The following PRKAR1B variants were observed in gnomAD, a reference collection of about 807,000 sequenced individuals.
PRKAR1B encodes the protein cAMP-dependent protein kinase type I-beta regulatory subunit.
Under a neutral mutation model 46.5 loss-of-function variants are expected in PRKAR1B, and 22 were observed. That is an observed-to-expected ratio of 0.47 (90% CI 0.34 to 0.68). The LOEUF is 0.68. PRKAR1B is among the 30% of genes least tolerant of loss of function. The pLI, the probability that PRKAR1B is intolerant of heterozygous loss-of-function variation, is 0.01. For missense variants in PRKAR1B, 445 were observed against 535.6 expected (o/e 0.83, Z 1.67); for synonymous variants, 259 against 217.7 (o/e 1.19, Z -1.67).
intron 4 of PRKAR1B, among the ~76,000 whole-genome samples, chr7:649,120 T>C (rs1338616943): frequency 2.0e-5 from 3 of 150,548 alleles, no homozygotes; most frequent in South Asian, 2.1e-4. Context: ...GCTGAGATCG[T>C]GCCACTGCAC....
chr7:686,097 G>A (rs1779080894), intron 2 of PRKAR1B, among the ~76,000 whole-genome samples: 1 of 152,042 alleles, frequency 6.6e-6, no homozygotes, highest in Non-Finnish European at 1.5e-5. Context: ...TCAGGAGATT[G>A]AGACCATCCT....
At chr7:694,542 G>A (rs370211028) in intron 2 of PRKAR1B, among the ~76,000 whole-genome samples, 3 of 152,132 alleles carry the variant, frequency 2.0e-5, no homozygotes, top group African/African-American at 4.8e-5. Flanking sequence ...TGTGCCTGGC[G>A]AACTCCTACA....
intron 4 of PRKAR1B, among the ~76,000 whole-genome samples, chr7:629,349 C>A (rs1250240430): frequency 6.8e-6 from 1 of 146,334 alleles, no homozygotes; most frequent in Non-Finnish European, 1.5e-5. Flanking sequence ...GAAGGCACCA[C>A]CACCCCAAGG....
intron 2 of PRKAR1B, among the ~76,000 whole-genome samples, chr7:694,804 G>C (rs1451546349): frequency 1.3e-5 from 2 of 152,186 alleles, no homozygotes; most frequent in Non-Finnish European, 2.9e-5. Context: ...GGGAGGCCAA[G>C]GTGGGTGGAT....
intron 2 of PRKAR1B, among the ~76,000 whole-genome samples, chr7:699,119 G>A (rs1779926174): frequency 6.6e-6 from 1 of 152,236 alleles, no homozygotes; most frequent in African/African-American, 2.4e-5. Flanking sequence ...CACGCCAGGG[G>A]CCAGAGCCCA....
rs556531443 is a variant in PRKAR1B, at chr7:693,021, G to A, written c.178-12295C>T. 4.6e-5 allele frequency among the ~76,000 whole-genome samples: 7 copies of A among 151,758 alleles called. 1 individual carries two copies. The highest frequency in any genetic ancestry group is 1.7e-4 in the African/African-American group (7 of 41,358). ...GCGATCTCGGCTCACTGCAAGCTCC[G>A]CCTCCCGGTTTCACACCTTTCTCCT... On this transcript the variant is annotated intron_variant, in intron 2 of 10. Transcript: ENST00000537384.
intron 9 of PRKAR1B, among the ~76,000 whole-genome samples, chr7:553,246 G>A (rs1241444217): frequency 6.6e-6 from 1 of 152,218 alleles, no homozygotes; most frequent in East Asian, 1.9e-4. Context: ...AACAGCCGGG[G>A]AAACGGTCTG....
intron 4 of PRKAR1B, among the ~76,000 whole-genome samples, chr7:616,636 G>C (rs1297336788): frequency 6.6e-6 from 1 of 152,218 alleles, no homozygotes; most frequent in Admixed American, 6.5e-5. Context: ...CCAGTGCCAC[G>C]CACCGCTTTG....
rs2081008637 is a variant in PRKAR1B, at chr7:593,073, C to A, written c.708+3073G>T. On this transcript the variant is annotated intron_variant, in intron 7 of 10. Transcript: ENST00000537384. The surrounding 1 kb of genome is among the most constrained non-coding windows in gnomAD (Gnocchi z 6.1). Reference sequence around the variant, plus strand: ...AAACAAAAAGGTAAGAAAGAAAAAGCAAGTCTGGGGAGTGCTGGCCCCGGG... The same window carrying A: ...AAACAAAAAGGTAAGAAAGAAAAAGAAAGTCTGGGGAGTGCTGGCCCCGGG... 6.6e-6 allele frequency among the ~76,000 whole-genome samples: 1 copy of A among 152,134 alleles called. No individual in the cohort carries two copies. Among genetic ancestry groups the A allele is most frequent in the Non-Finnish European group, 1.5e-5 (1 of 68,008 alleles).
At chr7:672,555 C>A (rs1310216351) in intron 4 of PRKAR1B, among the ~76,000 whole-genome samples, 1 of 152,050 alleles carries the variant, frequency 6.6e-6, no homozygotes, top group Non-Finnish European at 1.5e-5. Context: ...GTTGGATGGT[C>A]TTCATTACTG....
At chr7:562,601 G>A (rs867111344) in intron 9 of PRKAR1B, among the ~76,000 whole-genome samples, 1 of 152,080 alleles carries the variant, frequency 6.6e-6, no homozygotes, top group African/African-American at 2.4e-5. Context: ...CCGGCCTCCA[G>A]GGCCTCTCAC....
intron 9 of PRKAR1B, among the ~76,000 whole-genome samples, chr7:574,094 C>T (rs1335785416): frequency 6.6e-6 from 1 of 152,242 alleles, no homozygotes; most frequent in South Asian, 2.1e-4. Context: ...GACGCACCCA[C>T]GATCCACGCC....
At chr7:607,732 A>G (rs2128465446) in intron 4 of PRKAR1B, 1 of 342,468 alleles carries the variant, frequency 2.9e-6, no homozygotes, top group Non-Finnish European at 5.4e-6. Flanking sequence ...CATGCCATAC[A>G]TGCATTTTGA....
chr7:574,746 C>A (rs773782309), intron 9 of PRKAR1B, among the ~76,000 whole-genome samples: 1 of 152,146 alleles, frequency 6.6e-6, no homozygotes, highest in Non-Finnish European at 1.5e-5. Context: ...GCCTGGCCAG[C>A]GACCCAGATT....
intron 4 of PRKAR1B, among the ~76,000 whole-genome samples, chr7:673,080 A>C (rs35992118): frequency 1.1e-4 from 15 of 137,490 alleles, no homozygotes; most frequent in Non-Finnish European, 1.7e-4. Flanking sequence ...AAAAAAAAAC[A>C]CACACACACA....
rs186561500 is a variant in PRKAR1B, at chr7:673,374, G to A, written c.440+3855C>T. Among the ~76,000 whole-genome samples, 6 of 152,204 alleles carry A rather than the reference G, an allele frequency of 3.9e-5. 1 individual carries two copies. Among genetic ancestry groups the A allele is most frequent in the Admixed American group, 3.9e-4 (6 of 15,288 alleles). ...TTAAAATAGTCTTCAGCTCAGCCGG[G>A]CGCGGTGGCTCACGCCTGTAATCCC... On this transcript the variant is annotated intron_variant, in intron 4 of 10. Transcript: ENST00000537384.
intron 9 of PRKAR1B, among the ~76,000 whole-genome samples, chr7:555,894 C>A (rs1055543221): frequency 1.3e-5 from 2 of 152,166 alleles, no homozygotes; most frequent in African/African-American, 4.8e-5. Flanking sequence ...GGGAGGCAGA[C>A]CCAGGCAGCG....
rs180975544 is a variant in PRKAR1B at position 679,888 on chromosome 7, G to T, written c.348+668C>A. Among the ~76,000 whole-genome samples the T allele has an allele frequency of 2.1e-3, 317 of 152,282 alleles. 5 individuals carry two copies. Among genetic ancestry groups the T allele is most frequent in the East Asian group, 0.013 (68 of 5,182 alleles). ...GAAGAGACCAGAGATGCTGGGCATG[G>T]TGGCTCACGCCCGTAACCCCAGCAC... On this transcript the variant is annotated intron_variant, in intron 3 of 10. Coordinates refer to ENST00000537384, the MANE Select transcript of PRKAR1B (RefSeq NM_001164760.2).
intron 2 of PRKAR1B, among the ~76,000 whole-genome samples, chr7:693,996 T>C (rs114768476): frequency 0.033 from 5,099 of 152,236 alleles, 318 homozygotes; most frequent in African/African-American, 0.12. Flanking sequence ...CCGCGAGACC[T>C]GGACTCGGCC....
Sources: allele counts gnomAD v4.1 joint callset (sites outside exome capture counted in the v4.1 genomes callset), GRCh38; gene constraint gnomAD v4.1.1; non-coding constraint Gnocchi (gnomAD v3.1); transcripts MANE v1.5; gene names NCBI Gene and HGNC (gene_info 2026-07-23, HGNC 2026-07-21).